COL28A1: variants seen among roughly 807,000 people sequenced by gnomAD.
COL28A1 encodes collagen alpha-1(XXVIII) chain.
In COL28A1, 161 loss-of-function variants were observed where a neutral mutation model predicts 150.2. The observed-to-expected ratio is 1.07, with a 90% CI of 0.94 to 1.22. The LOEUF is 1.22. Among genes scored for constraint, COL28A1 ranks in the 50% most tolerant of loss-of-function variants. The pLI, the probability that COL28A1 is intolerant of heterozygous loss-of-function variation, is 0.00. For missense variants in COL28A1, 1,617 were observed against 1,388.3 expected, an observed-to-expected ratio of 1.16 and a Z score of -2.62; for synonymous variants, 552 against 469.7, an observed-to-expected ratio of 1.18 and a Z score of -2.26.
the COL28A1 span, among the ~76,000 whole-genome samples, chr7:7,343,272 T>C: frequency 1.3e-5 from 2 of 152,080 alleles, no homozygotes; most frequent in African/African-American, 2.4e-5. Context: ...AAATTTCACA[T>C]GGTATCACCT....
intron 19 of COL28A1, among the ~76,000 whole-genome samples, chr7:7,443,986 G>GTTTTTTTTTTTTTTTTTTT (rs71010980): frequency 1.0e-5 from 1 of 95,546 alleles, no homozygotes. Context: ...TCCATCTGCT[G>GTTTTTTTTTTTTTTTTTTT]TTTTTTTTTT....
In COL28A1 at chr7:7,455,948, T is replaced by C. The variant is rs1371329012; in HGVS notation, c.1371+96A>G. The C allele has an allele frequency of 5.3e-6, 8 of 1,509,860 alleles. No homozygotes were observed. In the East Asian group the frequency reaches 1.2e-4, roughly 22 times the overall value. 93.5% of individuals were successfully genotyped at this position (1,509,860 alleles called of 1,614,324 possible). A position where few individuals can be genotyped will look rare whatever the true frequency, so the allele number is the denominator to read the frequency against. On this transcript the variant is annotated intron_variant, in intron 16 of 34. Coordinates refer to ENST00000399429, the MANE Select transcript of COL28A1 (RefSeq NM_001037763.3). Reference sequence around the variant, plus strand: ...TACTCCACTGCAATTAACTGTCAAATATACTCATAGATGTTTGCAGGACTG... The same window carrying C: ...TACTCCACTGCAATTAACTGTCAAACATACTCATAGATGTTTGCAGGACTG...
At chr7:7,472,627 C>T (rs984060218) in intron 15 of COL28A1, among the ~76,000 whole-genome samples, 1 of 152,228 alleles carries the variant, frequency 6.6e-6, no homozygotes, top group East Asian at 1.9e-4. Flanking sequence ...CATTGAAATT[C>T]CCATCAGAAT....
intron 27 of COL28A1, among the ~76,000 whole-genome samples, chr7:7,405,657 A>G (rs896025141): frequency 6.6e-6 from 1 of 152,190 alleles, no homozygotes; most frequent in Non-Finnish European, 1.5e-5. Context: ...ATCTCCTCAA[A>G]TATGAATTCA....
intron 15 of COL28A1, among the ~76,000 whole-genome samples, chr7:7,464,866 T>C (rs141146260): frequency 7.3e-4 from 111 of 152,146 alleles, no homozygotes; most frequent in African/African-American, 2.2e-3. Flanking sequence ...ACTGGTTCTT[T>C]GAAAAGATAA....
chr7:7,443,555 C>G, intron 20 of COL28A1, 30 bp downstream of exon 20: 2 of 1,613,204 alleles, frequency 1.2e-6, no homozygotes, highest in Admixed American at 3.3e-5. Flanking sequence ...AGAACACAGG[C>G]TGCTTCCACC....
chr7:7,511,737 G>A (rs1467689118), intron 8 of COL28A1: 1 of 470,972 alleles, frequency 2.1e-6, no homozygotes, highest in East Asian at 6.9e-5. Flanking sequence ...GGGAACAGGT[G>A]CCATGATGAG....
At chr7:7,496,251 T>C (rs982349909) in intron 11 of COL28A1, among the ~76,000 whole-genome samples, 3 of 152,216 alleles carry the variant, frequency 2.0e-5, no homozygotes, top group Admixed American at 1.3e-4. Flanking sequence ...GGATGATGCA[T>C]ATGATTTTGT....
chr7:7,430,479 G>A (rs1007515337), intron 25 of COL28A1, among the ~76,000 whole-genome samples: 9 of 151,988 alleles, frequency 5.9e-5, no homozygotes, highest in African/African-American at 1.9e-4. Context: ...TATTATTATT[G>A]CTCAATGTAA....
chr7:7,349,149 T>C, the COL28A1 span, among the ~76,000 whole-genome samples: 2 of 152,180 alleles, frequency 1.3e-5, no homozygotes, highest in South Asian at 4.1e-4. Context: ...GTAGTCTATA[T>C]AGTTTAGAAA....
At chr7:7,383,682 G>GTATATATA (rs772285848) in intron 27 of COL28A1, among the ~76,000 whole-genome samples, 16,977 of 123,038 alleles carry the variant, frequency 0.14, 1,544 homozygotes, top group Non-Finnish European at 0.18. Context: ...GTGTGTGTGT[G>GTATATATA]TATATATATA....
At chr7:7,344,591 T>C in the COL28A1 span, among the ~76,000 whole-genome samples, 1 of 152,158 alleles carries the variant, frequency 6.6e-6, no homozygotes, top group African/African-American at 2.4e-5. Context: ...ATTCCAAAAT[T>C]ACAGAGAAAT....
chr7:7,406,646 G>A (rs1283680588), intron 27 of COL28A1, among the ~76,000 whole-genome samples: 1 of 152,136 alleles, frequency 6.6e-6, no homozygotes, highest in Non-Finnish European at 1.5e-5. Context: ...TAATATCGGA[G>A]CTAATACTGT....
chr7:7,374,038 A>AAAAAAATATATATATATAT, intron 31 of COL28A1, among the ~76,000 whole-genome samples: 1 of 113,658 alleles, frequency 8.8e-6, no homozygotes, highest in African/African-American at 3.8e-5. Context: ...AAAAAAAAAA[A>AAAAAAATATATATATATAT]ATATATATAT....
At chr7:7,432,737 C>G in intron 23 of COL28A1, 37 bp from the exon 24 acceptor site, 2 of 1,544,014 alleles carry the variant, frequency 1.3e-6, no homozygotes, top group Non-Finnish European at 1.8e-6. Flanking sequence ...TCATGAGACT[C>G]AACTAGAAAA....
chr7:7,440,738 C>T, intron 21 of COL28A1, 52 bp downstream of exon 21: 1 of 735,176 alleles, frequency 1.4e-6, no homozygotes, highest in Non-Finnish European at 2.3e-6. Flanking sequence ...TATATTAAAA[C>T]CAGACACAAT....
intron 8 of COL28A1, among the ~76,000 whole-genome samples, chr7:7,515,610 A>G (rs1392105407): frequency 6.6e-6 from 1 of 152,206 alleles, no homozygotes; most frequent in Non-Finnish European, 1.5e-5. Flanking sequence ...GCTGGATTCT[A>G]ATCTCAGGAA....
At chr7:7,349,732 T>C in the COL28A1 span, among the ~76,000 whole-genome samples, 63 of 152,236 alleles carry the variant, frequency 4.1e-4, no homozygotes, top group African/African-American at 1.4e-3. Flanking sequence ...TTGCCTGATT[T>C]TGCAAAGCAT....
chr7:7,518,211 T>C (rs941824366), intron 6 of COL28A1, among the ~76,000 whole-genome samples: 2 of 152,204 alleles, frequency 1.3e-5, no homozygotes, highest in East Asian at 1.9e-4. Flanking sequence ...CAAGAGTGAT[T>C]GCTTGATTTC....
Sources: allele counts gnomAD v4.1 joint callset (sites outside exome capture counted in the v4.1 genomes callset), GRCh38; gene constraint gnomAD v4.1.1; transcripts MANE v1.5; gene names NCBI Gene and HGNC (gene_info 2026-07-23, HGNC 2026-07-21).